Variants in TACC2 observed in about 807,000 individuals in gnomAD.
TACC2 encodes transforming acidic coiled-coil containing protein 2.
TACC2 carries 137 observed loss-of-function variants against 227.3 expected under a neutral mutation model. The ratio of observed to expected loss-of-function variants is 0.60; its 90% CI spans 0.52 to 0.69. The LOEUF is 0.69. Among genes scored for constraint, TACC2 ranks in the 30% least tolerant of loss-of-function variants. The probability of loss-of-function intolerance (pLI) is 0.00; values close to 1 mark genes in which losing one functional copy is unlikely to be tolerated. For missense variants in TACC2, 3,470 were observed against 3,694.4 expected (o/e 0.94, Z 1.57); for synonymous variants, 1,523 against 1,487.5 (o/e 1.02, Z -0.55).
chr10:122,016,714 T>G (rs1276897457), intron 1 of TACC2, among the ~76,000 whole-genome samples: 1 of 152,138 alleles, frequency 6.6e-6, no homozygotes, highest in African/African-American at 2.4e-5. Context: ...TCTAAATGCC[T>G]CAGCTTTACA....
chr10:122,017,592 G>A (rs113569555), intron 1 of TACC2, among the ~76,000 whole-genome samples: 23 of 152,062 alleles, frequency 1.5e-4, no homozygotes, highest in Non-Finnish European at 1.6e-4. Flanking sequence ...TGAGGCAGGC[G>A]GATCGCTTGA....
chr10:122,022,565 G>T (rs1240357214), intron 2 of TACC2: 1 of 152,356 alleles, frequency 6.6e-6, no homozygotes, highest in African/African-American at 2.4e-5. Flanking sequence ...CACCAGGCCT[G>T]GCCTTACTTT....
chr10:122,253,203 C>T (rs972359549), intron 22 of TACC2, among the ~76,000 whole-genome samples: 2 of 152,168 alleles, frequency 1.3e-5, no homozygotes, highest in Non-Finnish European at 2.9e-5. Flanking sequence ...GCAAAACATC[C>T]CCAGTATGCT....
chr10:122,215,273 G>T (rs959275592), intron 9 of TACC2, 118 bp from the exon 10 acceptor site: 9 of 849,000 alleles, frequency 1.1e-5, no homozygotes, highest in African/African-American at 1.7e-5. Context: ...TGACAGAGGT[G>T]GGAGGGTGGC....
intron 5 of TACC2, among the ~76,000 whole-genome samples, chr10:122,125,345 G>A (rs2086624819): frequency 6.7e-6 from 1 of 149,678 alleles, no homozygotes; most frequent in African/African-American, 2.4e-5. Flanking sequence ...TCAGGTGTGT[G>A]CCACCATGCC....
intron 7 of TACC2, among the ~76,000 whole-genome samples, chr10:122,145,643 AT>A (rs560212250): frequency 3.3e-5 from 5 of 152,190 alleles, no homozygotes; most frequent in East Asian, 1.9e-4. Context: ...GTTATACCTC[AT>A]TTTTTTTAAA....
chr10:122,050,808 C>T lies in TACC2; in HGVS notation c.146+258C>T, dbSNP rs2075589936. On this transcript the variant is annotated intron_variant, in intron 3 of 22. Coordinates refer to ENST00000369005, the MANE Select transcript of TACC2 (RefSeq NM_206862.4). The surrounding 1 kb of genome is among the most constrained non-coding windows in gnomAD (Gnocchi z 4.6). Reference sequence around the variant, plus strand: ...ATAGACTTCCATTCCAGCCACACTCCAGAGTATCTTCATTGTCAGAACTTA... The same window carrying T: ...ATAGACTTCCATTCCAGCCACACTCTAGAGTATCTTCATTGTCAGAACTTA... 2.1e-6 allele frequency: 1 copy of T among 467,626 alleles called. No individual in the cohort carries two copies. The highest frequency in any genetic ancestry group is 2.0e-5 in the African/African-American group (1 of 50,896). The allele number at this position is 467,626 out of a possible 1,614,324, so 29.0% of individuals were successfully genotyped here. A position where few individuals can be genotyped will look rare whatever the true frequency, so the allele number is the denominator to read the frequency against.
intron 9 of TACC2, chr10:122,213,252 C>G: frequency 7.1e-7 from 1 of 1,402,220 alleles, no homozygotes; most frequent in Non-Finnish European, 1.0e-6. Flanking sequence ...CCGCCATATC[C>G]TAACCCATTA....
chr10:122,171,227 T>C (rs1461211764), intron 7 of TACC2, among the ~76,000 whole-genome samples: 1 of 152,210 alleles, frequency 6.6e-6, no homozygotes, highest in Non-Finnish European at 1.5e-5. Flanking sequence ...TTGTTTCCTC[T>C]GAGTTTCTGC....
chr10:122,143,571 G>C lies in TACC2; in HGVS notation c.5700-1G>C. 6.2e-7 allele frequency: 1 copy of C among 1,613,860 alleles called. No individual in the cohort carries two copies. ...GAATAATTCCCTCATTGTGTCCCCA[G>C]CATCTCCCCAGCTGCTGCCCATGCG... On this transcript the variant is annotated splice_acceptor_variant, in intron 6 of 22. Transcript: ENST00000369005. LOFTEE classifies it high-confidence loss of function.
rs369854975 is a variant in TACC2, at chr10:122,098,042, G to A, written c.5573+9451G>A. Among the ~76,000 whole-genome samples the A allele has an allele frequency of 1.0e-3, 152 of 152,244 alleles. 6 individuals are homozygous for A. In the South Asian group the frequency reaches 0.031, roughly 31 times the overall value. Reference sequence around the variant, plus strand: ...AGGTTTGGGGTAAATGGTTAGGTGGGTAGGTAGGTAGGTTGATGTGGGGCA... The same window carrying A: ...AGGTTTGGGGTAAATGGTTAGGTGGATAGGTAGGTAGGTTGATGTGGGGCA... On this transcript the variant is annotated intron_variant, in intron 5 of 22. Transcript: ENST00000369005.
rs192591768 is a variant in TACC2 at position 122,032,797 on chromosome 10, A to G, written c.33+10783A>G. On this transcript the variant is annotated intron_variant, in intron 2 of 22. Coordinates refer to ENST00000369005, the MANE Select transcript of TACC2 (RefSeq NM_206862.4). Reference sequence around the variant, plus strand: ...AACATGGTGAAACCCCATCTCTACTAAAAATACAAAAATTAGCCGGGCGTG... The same window carrying G: ...AACATGGTGAAACCCCATCTCTACTGAAAATACAAAAATTAGCCGGGCGTG... Among the ~76,000 whole-genome samples, 884 of 152,194 alleles carry G rather than the reference A, an allele frequency of 5.8e-3. 1 individual carries two copies. The highest frequency in any genetic ancestry group is 9.0e-3 in the Non-Finnish European group (612 of 68,002).
chr10:122,185,306 C>T (rs2094146380), intron 7 of TACC2, among the ~76,000 whole-genome samples: 1 of 152,074 alleles, frequency 6.6e-6, no homozygotes, highest in Non-Finnish European at 1.5e-5. Context: ...GGTGATTCCC[C>T]TGCCTCAGCC....
chr10:122,029,748 A>G (rs1329477886), intron 2 of TACC2, among the ~76,000 whole-genome samples: 5 of 152,086 alleles, frequency 3.3e-5, no homozygotes, highest in South Asian at 4.1e-4. Context: ...AGCGCCCTCA[A>G]TGTGCACAGT....
intron 7 of TACC2, among the ~76,000 whole-genome samples, chr10:122,190,793 G>A (rs771475441): frequency 6.6e-6 from 1 of 152,146 alleles, no homozygotes; most frequent in Non-Finnish European, 1.5e-5. Context: ...GCTACCTCAT[G>A]TCTCCAGCCC....
chr10:122,132,646 C>T lies in TACC2; in HGVS notation c.5611C>T (p.Pro1871Ser), dbSNP rs2088563135. 6.2e-7 allele frequency: 1 copy of T among 1,614,192 alleles called. No individual in the cohort carries two copies. ...AGATGATATCATCCAGCCCGCTGCC[C>T]CCGCAGACCTGGAAAGCCCAACCTT... ...VADDIIQPAA[P>S]ADLESPTLAA... is the part of the protein sequence containing the mutation. Residue 1871 changes from proline (P) to serine (S), a missense_variant, in exon 6 of 23, where the codon CCC (proline) becomes TCC (serine). Transcript: ENST00000369005.
At chr10:122,162,782 C>G (rs1260157424) in intron 7 of TACC2, among the ~76,000 whole-genome samples, 1 of 152,182 alleles carries the variant, frequency 6.6e-6, no homozygotes, top group Non-Finnish European at 1.5e-5. Flanking sequence ...ACGGACATTC[C>G]TACAGGCCCA....
intron 7 of TACC2, among the ~76,000 whole-genome samples, chr10:122,168,899 G>A (rs1349444401): frequency 6.6e-6 from 1 of 152,204 alleles, no homozygotes; most frequent in East Asian, 1.9e-4. Context: ...AGTGTTCTGG[G>A]GTAAGCAAGT....
intron 15 of TACC2, 126 bp downstream of exon 15, chr10:122,229,612 T>C (rs1589770975): frequency 9.3e-7 from 1 of 1,074,796 alleles, no homozygotes; most frequent in East Asian, 2.4e-5. Context: ...CAGTGACATA[T>C]CTTCCCCTCA....
Sources: allele counts gnomAD v4.1 joint callset (sites outside exome capture counted in the v4.1 genomes callset), GRCh38; gene constraint gnomAD v4.1.1; non-coding constraint Gnocchi (gnomAD v3.1); transcripts MANE v1.5; gene names NCBI Gene and HGNC (gene_info 2026-07-23, HGNC 2026-07-21).